Variants in CCDC33 observed in about 807,000 individuals in gnomAD.
CCDC33 encodes coiled-coil domain containing 33.
Under a neutral mutation model 91.9 loss-of-function variants are expected in CCDC33, and 94 were observed. That is an observed-to-expected ratio of 1.02 (90% CI 0.87 to 1.21). CCDC33 has a LOEUF of 1.21. Ranked by LOEUF, CCDC33 falls within the 50% of genes most tolerant of loss-of-function variation. The pLI is 0.00. For missense variants in CCDC33, 940 were observed against 935.5 expected (o/e 1.00, Z -0.06); for synonymous variants, 396 against 374.5 (o/e 1.06, Z -0.66).
intron 1 of CCDC33, chr15:74,208,824 T>G: frequency 3.0e-6 from 3 of 988,726 alleles, no homozygotes; most frequent in Non-Finnish European, 3.6e-6. Context: ...TCTCCTGACC[T>G]CTCCCTTCCT....
At position 74,257,303 on chromosome 15, in the gene CCDC33, G is replaced by A. The variant is rs432664; in HGVS notation, c.186-5137G>A. Among the ~76,000 whole-genome samples the A allele has an allele frequency of 8.0e-3, 1,217 of 152,328 alleles. 18 individuals are homozygous for A. The highest frequency in any genetic ancestry group is 0.026 in the African/African-American group (1,063 of 41,574). ...ACCCACAAGGACCAGCTGCCCTGCC[G>A]TCAGCATGGGGCTGGGGGAGGCGGC... is the stretch of plus-strand genomic sequence containing the variant. On this transcript the variant is annotated intron_variant, in intron 2 of 18. Coordinates refer to ENST00000398814, the MANE Select transcript of CCDC33 (RefSeq NM_025055.5).
intron 3 of CCDC33, among the ~76,000 whole-genome samples, chr15:74,266,154 T>C (rs1566981633): frequency 1.3e-5 from 2 of 152,252 alleles, no homozygotes; most frequent in Admixed American, 6.5e-5. Flanking sequence ...TAGACTTTTA[T>C]TGATAGCTGT....
chr15:74,310,432 G>A (rs2059970118), intron 11 of CCDC33, among the ~76,000 whole-genome samples: 1 of 151,548 alleles, frequency 6.6e-6, no homozygotes, highest in Non-Finnish European at 1.5e-5. Context: ...AGCTACTTGA[G>A]AGGCTGAAGC....
intron 4 of CCDC33, among the ~76,000 whole-genome samples, chr15:74,267,331 C>T (rs535306941): frequency 4.4e-4 from 67 of 152,344 alleles, no homozygotes; most frequent in Admixed American, 1.6e-3. Context: ...CACATGCTGC[C>T]TTGGCCAGAA....
At chr15:74,322,181 C>G (rs1288539847) in intron 11 of CCDC33, among the ~76,000 whole-genome samples, 5 of 152,194 alleles carry the variant, frequency 3.3e-5, no homozygotes, top group African/African-American at 1.2e-4. Flanking sequence ...CAAACTACCC[C>G]AAAATGTTAT....
At chr15:74,283,504 C>T (rs1034781990) in intron 10 of CCDC33, among the ~76,000 whole-genome samples, 6 of 152,176 alleles carry the variant, frequency 3.9e-5, no homozygotes, top group South Asian at 2.1e-4. Flanking sequence ...AATTATTCAC[C>T]GGAGCTGTGC....
intron 15 of CCDC33, among the ~76,000 whole-genome samples, chr15:74,332,011 C>T (rs2060449329): frequency 6.6e-6 from 1 of 152,182 alleles, no homozygotes; most frequent in Admixed American, 6.5e-5. Flanking sequence ...GCCTGGGTGA[C>T]AGAGGGAGAC....
At chr15:74,225,254 G>A (rs982385149) in intron 2 of CCDC33, among the ~76,000 whole-genome samples, 3 of 151,930 alleles carry the variant, frequency 2.0e-5, no homozygotes, top group Admixed American at 1.3e-4. Context: ...CAGCTGATGG[G>A]CTCCAGGGAA....
At chr15:74,336,250 G>C (rs1290753018), downstream of CCDC33, 17 of 1,421,142 alleles carry the variant, frequency 1.2e-5, no homozygotes, top group Non-Finnish European at 1.6e-5. Flanking sequence ...ACAGCCTCCC[G>C]CCTGCCCCAG....
At position 74,266,661 on chromosome 15, in the gene CCDC33, A is replaced by AT. The variant is rs2076173349; in HGVS notation, c.320-11dup. 6.3e-7 allele frequency: 1 copy of AT among 1,582,334 alleles called. No homozygotes were observed. The highest frequency in any genetic ancestry group is 2.2e-5 in the East Asian group (1 of 44,632). On this transcript the variant is annotated splice_polypyrimidine_tract_variant and intron_variant, in intron 3 of 18. Coordinates refer to ENST00000398814, the MANE Select transcript of CCDC33 (RefSeq NM_025055.5). ...TCCATTTAAAAATAAACCTGGGCTC[A>AT]TTTTTTCTCTTTCCAGATGTGATCC...
Position 74,330,980 on chromosome 15 carries a change from G to A in CCDC33, c.1546-1G>A. ...CCCTTCTCTCCTCCCCCATCTCACAGAAGAATGATCGAGAGAAGGAGCTGC... is the reference window on the plus strand; with the variant it reads ...CCCTTCTCTCCTCCCCCATCTCACAAAAGAATGATCGAGAGAAGGAGCTGC... On this transcript the variant is annotated splice_acceptor_variant, in intron 13 of 18. Transcript: ENST00000398814. LOFTEE classifies it high-confidence loss of function. 1 of 1,582,320 alleles carries A rather than the reference G, an allele frequency of 6.3e-7. No homozygotes were observed. Among genetic ancestry groups the A allele is most frequent in the South Asian group, 1.2e-5 (1 of 85,400 alleles).
At chr15:74,332,950 C>A in intron 16 of CCDC33, 105 bp downstream of exon 16, 2 of 1,364,398 alleles carry the variant, frequency 1.5e-6, no homozygotes, top group South Asian at 1.4e-5. Flanking sequence ...CTAAGCTTCC[C>A]AGGGTCTCCA....
chr15:74,309,551 G>A (rs75927608), intron 11 of CCDC33, among the ~76,000 whole-genome samples: 5,153 of 152,322 alleles, frequency 0.034, 134 homozygotes, highest in Middle Eastern at 0.12. Context: ...TCCCCAGGCT[G>A]GCTGTGAAAA....
chr15:74,253,931 G>T (rs1272932541), intron 2 of CCDC33, among the ~76,000 whole-genome samples: 1 of 152,084 alleles, frequency 6.6e-6, no homozygotes, highest in African/African-American at 2.4e-5. Flanking sequence ...GCCCAGGCTG[G>T]TTCAAACTCC....
Position 74,279,953 on chromosome 15 carries a change from C to T in CCDC33, c.760-10C>T. On this transcript the variant is annotated splice_polypyrimidine_tract_variant and intron_variant, in intron 7 of 18. Transcript: ENST00000398814. Reference sequence around the variant, plus strand: ...GGCCCCCACCACCTGCTCCTACCCTCTCCCTCCAGCTGTCCAAGCCTGGGG... The same window carrying T: ...GGCCCCCACCACCTGCTCCTACCCTTTCCCTCCAGCTGTCCAAGCCTGGGG... 6.2e-7 allele frequency: 1 copy of T among 1,613,382 alleles called. No homozygotes were observed. The highest frequency in any genetic ancestry group is 8.5e-7 in the Non-Finnish European group (1 of 1,179,654).
At chr15:74,268,210 C>A in intron 4 of CCDC33, 132 bp from the exon 5 acceptor site, 1 of 694,278 alleles carries the variant, frequency 1.4e-6, no homozygotes, top group Non-Finnish European at 2.7e-6. Context: ...GGACCATGAG[C>A]TTTAATTATC....
chr15:74,217,656 G>A lies in CCDC33; in HGVS notation c.310+75G>A, dbSNP rs150937661. On this transcript the variant is annotated intron_variant, in intron 1 of 2. Transcript: ENST00000635913. Reference sequence around the variant, plus strand: ...GCCTGAGTCCCTTTCTGGGACCCCAGAGAGCCTCAGGAGAACTGGGAGGGT... The same window carrying A: ...GCCTGAGTCCCTTTCTGGGACCCCAAAGAGCCTCAGGAGAACTGGGAGGGT... 380 of 1,107,410 alleles carry A rather than the reference G, an allele frequency of 3.4e-4. 1 individual carries two copies. Among genetic ancestry groups the A allele is most frequent in the Non-Finnish European group, 3.5e-4 (301 of 870,802 alleles). The allele number at this position is 1,107,410 out of a possible 1,614,324, so 68.6% of individuals were successfully genotyped here. A position where few individuals can be genotyped will look rare whatever the true frequency, so the allele number is the denominator to read the frequency against.
intron 7 of CCDC33, 46 bp downstream of exon 7, chr15:74,272,937 A>T: frequency 1.2e-6 from 2 of 1,610,552 alleles, no homozygotes; most frequent in African/African-American, 1.3e-5. Flanking sequence ...ACTACCCCAC[A>T]CATTCACTGT....
At chr15:74,318,719 G>A (rs2060147583) in intron 11 of CCDC33, 1 of 709,552 alleles carries the variant, frequency 1.4e-6, no homozygotes, top group East Asian at 2.8e-5. Flanking sequence ...AGCAGCAGGT[G>A]TGTTGGGGTG....
Sources: allele counts gnomAD v4.1 joint callset (sites outside exome capture counted in the v4.1 genomes callset), GRCh38; gene constraint gnomAD v4.1.1; transcripts MANE v1.5; gene names NCBI Gene and HGNC (gene_info 2026-07-23, HGNC 2026-07-21).